Variants in LZTS1 observed in about 807,000 individuals in gnomAD.
The protein encoded by LZTS1 is leucine zipper tumor suppressor 1.
In LZTS1, 31 loss-of-function variants were observed where a neutral mutation model predicts 45.8. That is an observed-to-expected ratio of 0.68 (90% CI 0.51 to 0.91). The LOEUF (loss-of-function observed/expected upper bound fraction) is 0.91. Among genes scored for constraint, LZTS1 ranks in the 40% least tolerant of loss-of-function variants. The pLI, the probability that LZTS1 is intolerant of heterozygous loss-of-function variation, is 0.00. For synonymous variants in LZTS1, 359 were observed against 357.3 expected (o/e 1.00, Z -0.05); for missense variants, 821 against 788.9 (o/e 1.04, Z -0.49).
chr8:20,288,987 G>GTTTTTTTTTTTT (rs59572169), intron 1 of LZTS1, among the ~76,000 whole-genome samples: 1 of 119,694 alleles, frequency 8.4e-6, no homozygotes. Context: ...ATAGCAGCTG[G>GTTTTTTTTTTTT]TTTTTTTTTT....
At chr8:20,257,661 C>G (rs1041324042) in intron 1 of LZTS1, among the ~76,000 whole-genome samples, 4 of 146,862 alleles carry the variant, frequency 2.7e-5, no homozygotes, top group African/African-American at 7.5e-5. Flanking sequence ...TCTAAGACAC[C>G]CTTAAACTTT....
intron 1 of LZTS1, among the ~76,000 whole-genome samples, chr8:20,295,907 C>T (rs2128899540): frequency 6.6e-6 from 1 of 152,276 alleles, no homozygotes; most frequent in African/African-American, 2.4e-5. Context: ...CTGGCAAACC[C>T]CAGGCCTTGT....
intron 1 of LZTS1, among the ~76,000 whole-genome samples, chr8:20,296,345 ACCT>A (rs1800978606): frequency 1.3e-5 from 2 of 152,064 alleles, no homozygotes; most frequent in South Asian, 4.1e-4. Flanking sequence ...TCCACTTTCA[ACCT>A]CCTTGAGGGG....
chr8:20,278,258 C>G (rs917701628), intron 1 of LZTS1, among the ~76,000 whole-genome samples: 3 of 152,124 alleles, frequency 2.0e-5, no homozygotes, highest in East Asian at 1.9e-4. Context: ...AATGGTATAA[C>G]TGGTATATTA....
chr8:20,283,196 C>G (rs1800727937), intron 1 of LZTS1, among the ~76,000 whole-genome samples: 1 of 152,268 alleles, frequency 6.6e-6, no homozygotes, highest in South Asian at 2.1e-4. Flanking sequence ...TCTGTATGGT[C>G]TGAATGTTTG....
intron 1 of LZTS1, among the ~76,000 whole-genome samples, chr8:20,255,692 CAG>C (rs1800082436): frequency 6.6e-6 from 1 of 152,086 alleles, no homozygotes; most frequent in East Asian, 1.9e-4. Flanking sequence ...GAAACTGGAG[CAG>C]AGAGGACAGA....
chr8:20,272,213 C>T (rs1800487291), intron 1 of LZTS1, among the ~76,000 whole-genome samples: 6 of 152,142 alleles, frequency 3.9e-5, no homozygotes, highest in Admixed American at 3.9e-4. Context: ...GGTCATCTCC[C>T]ACTATTTCAG....
intron 1 of LZTS1, among the ~76,000 whole-genome samples, chr8:20,256,487 G>A (rs1405660016): frequency 6.6e-6 from 1 of 152,140 alleles, no homozygotes; most frequent in Non-Finnish European, 1.5e-5. Flanking sequence ...ATAGTCTAGG[G>A]TGGTAGTTGT....
At chr8:20,286,950 A>C (rs118076811) in intron 1 of LZTS1, among the ~76,000 whole-genome samples, 10 of 152,306 alleles carry the variant, frequency 6.6e-5, no homozygotes, top group Non-Finnish European at 1.3e-4. Context: ...AGAGGAAGAC[A>C]AGGGGTTTCC....
rs1396169061 is a variant in LZTS1 at position 20,252,819 on chromosome 8, G to T, written c.1112C>A (p.Thr371Asn). 7 of 1,546,750 alleles carry T rather than the reference G, an allele frequency of 4.5e-6. No individual in the cohort carries two copies. Among genetic ancestry groups the T allele is most frequent in the African/African-American group, 1.4e-5 (1 of 72,432 alleles). Residue 371 changes from threonine to asparagine, a missense_variant, in exon 3 of 4, where the codon ACC (threonine) becomes AAC (asparagine). By Grantham distance (65) the Thr-to-Asn change is moderately conservative (BLOSUM62 0). Coordinates refer to ENST00000381569, the MANE Select transcript of LZTS1 (RefSeq NM_021020.5). ...CTCCTCCAGCGCGGGGCCGAAGCTG[G>T]TCTTCTCCCTCTCGTAGGACCTGAG... ...TKLRSYEREK[T>N]SFGPALEETQ...
intron 1 of LZTS1, 69 bp from the exon 2 acceptor site, chr8:20,255,384 TC>T: frequency 8.7e-7 from 1 of 1,146,232 alleles, no homozygotes; most frequent in Non-Finnish European, 1.2e-6. Flanking sequence ...GATTCCGACT[TC>T]CAGATCTGGG....
chr8:20,257,287 G>A (rs542778364), intron 1 of LZTS1, among the ~76,000 whole-genome samples: 28 of 152,294 alleles, frequency 1.8e-4, no homozygotes, highest in African/African-American at 6.3e-4. Flanking sequence ...TTGAACCCAG[G>A]AGGCGGAGGT....
At chr8:20,268,220 G>A (rs1033719819) in intron 1 of LZTS1, among the ~76,000 whole-genome samples, 43 of 141,838 alleles carry the variant, frequency 3.0e-4, no homozygotes, top group Middle Eastern at 3.7e-3. Context: ...GCCTCCAGGA[G>A]GGCAGCTGCT....
At chr8:20,269,065 C>T (rs1800423132) in intron 1 of LZTS1, among the ~76,000 whole-genome samples, 1 of 152,206 alleles carries the variant, frequency 6.6e-6, no homozygotes, top group African/African-American at 2.4e-5. Context: ...CAAGATTACC[C>T]ACCAATCCCA....
At chr8:20,267,876 C>A (rs1011145110) in intron 1 of LZTS1, among the ~76,000 whole-genome samples, 1 of 152,138 alleles carries the variant, frequency 6.6e-6, no homozygotes. Context: ...GACAAAAGAT[C>A]CCAGACCGAC....
intron 2 of LZTS1, 138 bp downstream of exon 2, chr8:20,254,699 C>T (rs1309486146): frequency 1.6e-5 from 11 of 692,082 alleles, no homozygotes; most frequent in African/African-American, 3.6e-5. Context: ...AGGCTTCCGC[C>T]GGCACCCCTG....
At chr8:20,301,556 A>G (rs1356246344) in intron 1 of LZTS1, among the ~76,000 whole-genome samples, 1 of 152,132 alleles carries the variant, frequency 6.6e-6, no homozygotes, top group African/African-American at 2.4e-5. Flanking sequence ...TAGGCGCCCA[A>G]TGAATATTTA....
chr8:20,273,305 G>A (rs4922146), intron 1 of LZTS1, among the ~76,000 whole-genome samples: 9,676 of 152,120 alleles, frequency 0.064, 392 homozygotes, highest in African/African-American at 0.1. Context: ...TTTTCAGGCT[G>A]TATCTGAGAC....
At chr8:20,302,842 T>C (rs1801104783) in intron 1 of LZTS1, among the ~76,000 whole-genome samples, 1 of 152,160 alleles carries the variant, frequency 6.6e-6, no homozygotes, top group Non-Finnish European at 1.5e-5. Flanking sequence ...TTCCCAGGCC[T>C]GACATACTCG....
Sources: gnomAD v4.1 joint callset for allele counts (sites outside exome capture counted in the v4.1 genomes callset) on GRCh38, gnomAD v4.1.1 for gene constraint, MANE v1.5 for transcripts, NCBI Gene and HGNC (gene_info 2026-07-23, HGNC 2026-07-21) for gene names.